SKP1: variants seen among roughly 807,000 people sequenced by gnomAD.
SKP1 encodes the protein S-phase kinase-associated protein 1.
SKP1 carries 1 observed loss-of-function variant against 21.5 expected under a neutral mutation model. That is an observed-to-expected ratio of 0.05 (90% CI 0.02 to 0.22). The LOEUF is 0.22. Among genes scored for constraint, SKP1 ranks in the 10% least tolerant of loss-of-function variants. The probability of loss-of-function intolerance (pLI) is 1.00; values close to 1 mark genes in which losing one functional copy is unlikely to be tolerated. For missense variants in SKP1, 70 were observed against 192.0 expected, an observed-to-expected ratio of 0.36 and a Z score of 3.76; for synonymous variants, 59 against 59.3, an observed-to-expected ratio of 0.99 and a Z score of 0.03.
In SKP1 at chr5:134,154,291, CAA is replaced by C. The variant is rs1761088790; in HGVS notation, c.*3440_*3441del. 1 of 151,258 alleles carries C rather than the reference CAA, an allele frequency of 6.6e-6. No individual in the cohort carries two copies. Among genetic ancestry groups the C allele is most frequent in the African/African-American group, 2.4e-5 (1 of 41,132 alleles). 9.4% of individuals were successfully genotyped at this position (151,258 alleles called of 1,614,324 possible). On this transcript the variant is annotated 3_prime_UTR_variant, in exon 6 of 6. Transcript: ENST00000353411. The stretch of plus-strand genomic sequence containing the variant: ...TAAAACTCCATCTCTAATAAAAACA[CAA>C]AAAAATTAGCCAGGCATGGTGGCAT...
At chr5:134,168,369 GCGCACAAACA>G (rs763273412) in intron 2 of SKP1, among the ~76,000 whole-genome samples, 3 of 152,046 alleles carry the variant, frequency 2.0e-5, no homozygotes, top group Non-Finnish European at 4.4e-5. Flanking sequence ...TACTAAAAAT[GCGCACAAACA>G]CGCACAAAAC....
rs1761075840 is a variant in SKP1, at chr5:134,153,613, G to A, written c.*4120C>T. On this transcript the variant is annotated 3_prime_UTR_variant, in exon 6 of 6. Transcript: ENST00000353411. ...GGCAAGCAAAAGTTAAGCTTGTAAA[G>A]GGTGCTGAGAGCAAGAGGTCTGCTG... is the stretch of plus-strand genomic sequence containing the variant. 1 of 152,330 alleles carries A rather than the reference G, an allele frequency of 6.6e-6. No homozygotes were observed. The highest frequency in any genetic ancestry group is 2.4e-5 in the African/African-American group (1 of 41,574). 9.4% of individuals were successfully genotyped at this position (152,330 alleles called of 1,614,324 possible).
intron 1 of SKP1, chr5:134,176,599 C>T (rs1213771938): frequency 6.6e-6 from 1 of 152,314 alleles, no homozygotes; most frequent in Non-Finnish European, 1.5e-5. Flanking sequence ...AGGCCCAGCC[C>T]GGGGTTCGGC....
Position 134,149,100 on chromosome 5 carries a change from CTG to C in SKP1, c.*8631_*8632del, listed in dbSNP as rs1760994664. On this transcript the variant is annotated 3_prime_UTR_variant, in exon 6 of 6. Coordinates refer to ENST00000353411, the MANE Select transcript of SKP1 (RefSeq NM_170679.3). ...ATACATTTAGGGGGTACAAGTGCAG[CTG>C]TGTTACATGAACATACTGGGTAGCG... The C allele has an allele frequency of 2.0e-5, 3 of 152,272 alleles. No homozygotes were observed. Among genetic ancestry groups the C allele is most frequent in the Admixed American group, 2.0e-4 (3 of 15,294 alleles). 9.4% of individuals were successfully genotyped at this position (152,272 alleles called of 1,614,324 possible). A position where few individuals can be genotyped will look rare whatever the true frequency, so the allele number is the denominator to read the frequency against.
At chr5:134,165,198 T>C (rs1480894662) in intron 3 of SKP1, among the ~76,000 whole-genome samples, 2 of 152,190 alleles carry the variant, frequency 1.3e-5, no homozygotes, top group African/African-American at 4.8e-5. Context: ...TTAATGTCAC[T>C]GAATGGTGCA....
At chr5:134,163,721 T>C (rs557811899) in intron 3 of SKP1, among the ~76,000 whole-genome samples, 41 of 151,674 alleles carry the variant, frequency 2.7e-4, no homozygotes, top group African/African-American at 9.4e-4. Flanking sequence ...ACCCGGGAGG[T>C]AGAAGGTGCA....
intron 2 of SKP1, among the ~76,000 whole-genome samples, chr5:134,169,460 TA>T (rs964523335): frequency 1.3e-5 from 2 of 152,220 alleles, no homozygotes; most frequent in African/African-American, 4.8e-5. Context: ...AAAGAAGTTA[TA>T]AAATGTAAAA....
intron 4 of SKP1, among the ~76,000 whole-genome samples, chr5:134,159,547 ATT>A (rs1166778296): frequency 1.7e-4 from 23 of 134,408 alleles, no homozygotes; most frequent in African/African-American, 1.9e-4. Flanking sequence ...CACCCAGCTA[ATT>A]TTTTTTTTTT....
At chr5:134,159,274 G>A (rs1761174741) in intron 4 of SKP1, among the ~76,000 whole-genome samples, 1 of 152,162 alleles carries the variant, frequency 6.6e-6, no homozygotes, top group Non-Finnish European at 1.5e-5. Flanking sequence ...ACTTGCAAAT[G>A]TGTTAGTTTA....
At chr5:134,174,457 C>G (rs1180574477) in intron 1 of SKP1, 1 of 993,028 alleles carries the variant, frequency 1.0e-6, no homozygotes, top group African/African-American at 1.7e-5. Context: ...CACAGTGAGT[C>G]CTACCTGTGA....
At chr5:134,161,701 A>G (rs1761223648) in intron 3 of SKP1, 1 of 152,264 alleles carries the variant, frequency 6.6e-6, no homozygotes, top group Non-Finnish European at 1.5e-5. Flanking sequence ...AGCACTCCTC[A>G]GAAAAGCTGA....
Sources: allele counts gnomAD v4.1 joint callset (sites outside exome capture counted in the v4.1 genomes callset), GRCh38; gene constraint gnomAD v4.1.1; transcripts MANE v1.5; gene names NCBI Gene and HGNC (gene_info 2026-07-23, HGNC 2026-07-21).